CES5A: variants seen among roughly 807,000 people sequenced by gnomAD.
CES5A encodes the protein carboxylesterase 5A.
In CES5A, 67 loss-of-function variants were observed where a neutral mutation model predicts 62.9. The observed-to-expected ratio is 1.07, with a 90% CI of 0.88 to 1.31. The LOEUF (loss-of-function observed/expected upper bound fraction) is 1.31. Among genes scored for constraint, CES5A ranks in the 50% most tolerant of loss-of-function variants. CES5A has a pLI of 0.00. For missense variants in CES5A, 748 were observed against 708.5 expected, an observed-to-expected ratio of 1.06 and a Z score of -0.63; for synonymous variants, 296 against 280.8, an observed-to-expected ratio of 1.05 and a Z score of -0.54.
intron 1 of CES5A, chr16:55,925,318 C>T (rs1275532956): frequency 6.6e-6 from 1 of 152,056 alleles, no homozygotes; most frequent in African/African-American, 2.4e-5. Context: ...GAGATACCAT[C>T]TCACCCCAGT....
chr16:55,944,366 G>A, intron 2 of CES5A: 2 of 415,350 alleles, frequency 4.8e-6, no homozygotes, highest in South Asian at 4.3e-5. Context: ...TACCACCATT[G>A]GGGGCTCTCA....
At chr16:55,937,429 G>A (rs2034388398) in intron 2 of CES5A, among the ~76,000 whole-genome samples, 1 of 152,212 alleles carries the variant, frequency 6.6e-6, no homozygotes. Context: ...CCATCCTGAA[G>A]TGACATGTGA....
intron 1 of CES5A, among the ~76,000 whole-genome samples, chr16:55,913,310 C>T (rs2034113983): frequency 6.6e-6 from 1 of 152,058 alleles, no homozygotes; most frequent in South Asian, 2.1e-4. Context: ...TGGGTGGTGT[C>T]AGCTGATCCA....
chr16:55,854,904 A>G (rs547405220), intron 9 of CES5A, among the ~76,000 whole-genome samples: 11 of 152,248 alleles, frequency 7.2e-5, no homozygotes, highest in African/African-American at 2.6e-4. Flanking sequence ...GATGAAGTCT[A>G]TGTTCATTAC....
At chr16:55,910,713 T>C (rs1476054112) in intron 1 of CES5A, among the ~76,000 whole-genome samples, 5 of 152,224 alleles carry the variant, frequency 3.3e-5, no homozygotes, top group African/African-American at 9.6e-5. Context: ...TTCAAGAGCA[T>C]GGAAGTCTAT....
chr16:55,902,949 GGA>G (rs1205595366), intron 1 of CES5A, among the ~76,000 whole-genome samples: 1 of 152,038 alleles, frequency 6.6e-6, no homozygotes, highest in African/African-American at 2.4e-5. Flanking sequence ...AAGAAAGATA[GGA>G]GAGAGAGAGG....
intron 1 of CES5A, among the ~76,000 whole-genome samples, chr16:55,907,214 A>G (rs1000399022): frequency 1.3e-5 from 2 of 151,942 alleles, no homozygotes; most frequent in Non-Finnish European, 1.5e-5. Context: ...GCAATAAGGG[A>G]CTCTCTGTTT....
At chr16:55,943,108 C>A (rs2034461476) in intron 2 of CES5A, among the ~76,000 whole-genome samples, 1 of 152,152 alleles carries the variant, frequency 6.6e-6, no homozygotes, top group Non-Finnish European at 1.5e-5. Context: ...TACAATTTTC[C>A]AAACTCATGA....
At chr16:55,939,927 G>A (rs1321805621) in intron 2 of CES5A, among the ~76,000 whole-genome samples, 1 of 151,728 alleles carries the variant, frequency 6.6e-6, no homozygotes, top group African/African-American at 2.4e-5. Flanking sequence ...ATAATTCATA[G>A]GTCAAAAAAG....
rs532513185 is a variant in CES5A at position 55,938,993 on chromosome 16, G to A, written c.160+10792C>T. On this transcript the variant is annotated intron_variant, in intron 2 of 13. Transcript: ENST00000521992. ...TACCTGAAAAGTCTAGAATGTGGGA[G>A]ATGATTACTAGTTTCAGGAATGGCT... 6.4e-4 allele frequency among the ~76,000 whole-genome samples: 97 copies of A among 151,670 alleles called. No individual in the cohort carries two copies. In the South Asian group the frequency reaches 0.02, roughly 31 times the overall value.
chr16:55,900,714 A>G (rs1225320121), intron 1 of CES5A, among the ~76,000 whole-genome samples: 1 of 152,152 alleles, frequency 6.6e-6, no homozygotes, highest in Non-Finnish European at 1.5e-5. Flanking sequence ...GAGGAACAAG[A>G]GTCGAGCTTG....
At chr16:55,862,371 C>T (rs2033370001) in intron 6 of CES5A, among the ~76,000 whole-genome samples, 1 of 152,160 alleles carries the variant, frequency 6.6e-6, no homozygotes, top group African/African-American at 2.4e-5. Context: ...CTTCCCAAAC[C>T]TATCCATGGA....
intron 1 of CES5A, among the ~76,000 whole-genome samples, chr16:55,917,079 G>T (rs1275702927): frequency 6.6e-6 from 1 of 152,136 alleles, no homozygotes; most frequent in East Asian, 1.9e-4. Context: ...CTTGAAGGCA[G>T]GCAACCCCCA....
chr16:55,955,910 A>G, exon 1 of CES5A: 1 of 1,535,990 alleles, frequency 6.5e-7, no homozygotes. Context: ...GTCCTAACAC[A>G]AAACCTCAGC....
intron 1 of CES5A, among the ~76,000 whole-genome samples, chr16:55,909,570 G>GCA (rs34468527): frequency 0.098 from 14,732 of 150,066 alleles, 1,068 homozygotes; most frequent in African/African-American, 0.21. Context: ...GTGCGCACGT[G>GCA]CACACACACA....
At chr16:55,894,415 T>C (rs1443466042) in intron 1 of CES5A, among the ~76,000 whole-genome samples, 1 of 142,252 alleles carries the variant, frequency 7.0e-6, no homozygotes, top group Non-Finnish European at 1.5e-5. Flanking sequence ...GGCTGAGGCA[T>C]GAGAATCGCT....
At chr16:55,858,092 G>T (rs1315834321) in intron 8 of CES5A, among the ~76,000 whole-genome samples, 2 of 152,166 alleles carry the variant, frequency 1.3e-5, no homozygotes, top group Non-Finnish European at 2.9e-5. Context: ...CCAGCTACTC[G>T]ATAGGCTGAG....
chr16:55,916,131 T>A (rs1484655612), intron 1 of CES5A, among the ~76,000 whole-genome samples: 1 of 152,156 alleles, frequency 6.6e-6, no homozygotes, highest in Non-Finnish European at 1.5e-5. Flanking sequence ...CAGGACCAGT[T>A]GGGTCAGGGC....
upstream of CES5A, among the ~76,000 whole-genome samples, chr16:55,929,197 C>T (rs16955885): frequency 0.017 from 2,586 of 152,310 alleles, 82 homozygotes; most frequent in African/African-American, 0.059. Flanking sequence ...GGGAGCACAT[C>T]AGAGTAGCCC....
Sources: allele counts gnomAD v4.1 joint callset (sites outside exome capture counted in the v4.1 genomes callset), GRCh38; gene constraint gnomAD v4.1.1; transcripts MANE v1.5; gene names NCBI Gene and HGNC (gene_info 2026-07-23, HGNC 2026-07-21).